PCDHGB2: variants seen among roughly 807,000 people sequenced by gnomAD.
PCDHGB2 encodes protocadherin gamma-B2.
Under a neutral mutation model 59.3 loss-of-function variants are expected in PCDHGB2, and 55 were observed. That is an observed-to-expected ratio of 0.93 (90% CI 0.75 to 1.16). The LOEUF (loss-of-function observed/expected upper bound fraction) is 1.16. Among genes scored for constraint, PCDHGB2 ranks in the 50% most tolerant of loss-of-function variants. The probability of loss-of-function intolerance (pLI) is 0.00; values close to 1 mark genes in which losing one functional copy is unlikely to be tolerated. For missense variants in PCDHGB2, 1,228 were observed against 1,198.5 expected, an observed-to-expected ratio of 1.02 and a Z score of -0.36; for synonymous variants, 516 against 512.0, an observed-to-expected ratio of 1.01 and a Z score of -0.11.
At chr5:141,410,666 T>C (rs376209053) in intron 1 of PCDHGB2, 1 of 1,566,008 alleles carries the variant, frequency 6.4e-7, no homozygotes, top group Non-Finnish European at 8.6e-7. Flanking sequence ...AGTCTACTAG[T>C]TTCTCATATT....
At position 141,366,541 on chromosome 5, in the gene PCDHGB2, C is replaced by T. The variant is rs558446486; in HGVS notation, c.2421+3985C>T. 62 of 1,614,270 alleles carry T rather than the reference C, an allele frequency of 3.8e-5. No homozygotes were observed. In the South Asian group the frequency reaches 6.5e-4, roughly 17 times the overall value. ...GCAGCAGGTTGGCGGGTGTGCCCGC[C>T]TCGCACTTTGTGGGCGTGGATGGGG... On this transcript the variant is annotated intron_variant, in intron 1 of 3. Transcript: ENST00000522605.
In PCDHGB2 at chr5:141,432,139, T is replaced by A. The variant is rs950514553; in HGVS notation, c.2422-62668T>A. ...TCCCTCAGGCCTCCTATTCCGCTTA[T>A]ATCCCAGAGAACAATCCCAGAGGAG... is the stretch of plus-strand genomic sequence containing the variant. On this transcript the variant is annotated intron_variant, in intron 1 of 3. Transcript: ENST00000522605. The surrounding 1 kb of genome is among the most constrained non-coding windows in gnomAD (Gnocchi z 6.0). The A allele has an allele frequency of 6.8e-6, 11 of 1,613,976 alleles. No individual in the cohort carries two copies. Among genetic ancestry groups the A allele is most frequent in the Non-Finnish European group, 9.3e-6 (11 of 1,180,032 alleles).
chr5:141,489,894 G>A lies in PCDHGB2; in HGVS notation c.2422-4913G>A, dbSNP rs942456058. 33 of 1,614,204 alleles carry A rather than the reference G, an allele frequency of 2.0e-5. No individual in the cohort carries two copies. The highest frequency in any genetic ancestry group is 2.4e-5 in the Non-Finnish European group (28 of 1,180,028). Reference sequence around the variant, plus strand: ...TGGTGCTTACTGCTGTGGATGGGGGGACCCCAGCCCGCTCAGGGACCACCC... The same window carrying A: ...TGGTGCTTACTGCTGTGGATGGGGGAACCCCAGCCCGCTCAGGGACCACCC... On this transcript the variant is annotated intron_variant, in intron 1 of 3. Coordinates refer to ENST00000522605, the MANE Select transcript of PCDHGB2 (RefSeq NM_018923.3). This position sits in a 1 kb window ranked among gnomAD's most constrained non-coding sequence, Gnocchi z 4.5.
chr5:141,421,902 C>A (rs1218675162), intron 1 of PCDHGB2: 1 of 1,613,706 alleles, frequency 6.2e-7, no homozygotes, highest in East Asian at 2.2e-5. Context: ...TCCGAAAGGG[C>A]GCAGTTCCCA....
chr5:141,365,137 A>G (rs896268643), intron 1 of PCDHGB2: 15 of 1,613,972 alleles, frequency 9.3e-6, no homozygotes, highest in Non-Finnish European at 1.3e-5. Flanking sequence ...CCACGGATCC[A>G]GATGAGGGAA....
chr5:141,487,377 C>G lies in PCDHGB2; in HGVS notation c.2422-7430C>G, dbSNP rs758216933. On this transcript the variant is annotated intron_variant, in intron 1 of 3. Coordinates refer to ENST00000522605, the MANE Select transcript of PCDHGB2 (RefSeq NM_018923.3). This position sits in a 1 kb window ranked among gnomAD's most constrained non-coding sequence, Gnocchi z 5.0. ...CCTGCTGGCACCTGTGCCTGTCTCA[C>G]CAGATCTCGAAGGAGGGAGGGGCTT... 6.2e-7 allele frequency: 1 copy of G among 1,614,190 alleles called. No individual in the cohort carries two copies. The highest frequency in any genetic ancestry group is 1.1e-5 in the South Asian group (1 of 91,086).
chr5:141,365,976 G>T, intron 1 of PCDHGB2: 1 of 1,614,232 alleles, frequency 6.2e-7, no homozygotes, highest in Non-Finnish European at 8.5e-7. Context: ...GTGTCGCTGA[G>T]CCTGTTTGTG....
Position 141,398,941 on chromosome 5 carries a change from G to A in PCDHGB2, c.2421+36385G>A. 4.3e-6 allele frequency: 7 copies of A among 1,613,890 alleles called. No homozygotes were observed. The highest frequency in any genetic ancestry group is 5.9e-6 in the Non-Finnish European group (7 of 1,179,892). ...AGTGTCAGCCACTGACCAAGACGAG[G>A]GCATCAACTCAGAAATTACTTATTC... is the stretch of plus-strand genomic sequence containing the variant. On this transcript the variant is annotated intron_variant, in intron 1 of 3. Transcript: ENST00000522605.
chr5:141,399,603 A>G, intron 1 of PCDHGB2: 1 of 1,613,950 alleles, frequency 6.2e-7, no homozygotes, highest in Non-Finnish European at 8.5e-7. Flanking sequence ...CCAGCGACCT[A>G]GAGCCTCTGG....
At position 141,491,872 on chromosome 5, in the gene PCDHGB2, G is replaced by A; in HGVS notation, c.2422-2935G>A. On this transcript the variant is annotated intron_variant, in intron 1 of 3. Transcript: ENST00000522605. The surrounding 1 kb of genome is among the most constrained non-coding windows in gnomAD (Gnocchi z 6.9). ...CCGTTTGCGCGAAACCAGAGTGGCCGATTAAGGGATGGGGCTCCGAGCACC... is the reference window on the plus strand; with the variant it reads ...CCGTTTGCGCGAAACCAGAGTGGCCAATTAAGGGATGGGGCTCCGAGCACC... 6.9e-7 allele frequency: 1 copy of A among 1,452,190 alleles called. No individual in the cohort carries two copies. The highest frequency in any genetic ancestry group is 9.1e-7 in the Non-Finnish European group (1 of 1,098,644). The allele number at this position is 1,452,190 out of a possible 1,614,324, so 90.0% of individuals were successfully genotyped here.
intron 1 of PCDHGB2, chr5:141,392,967 C>A (rs1442170331): frequency 1.2e-6 from 2 of 1,613,766 alleles, no homozygotes; most frequent in African/African-American, 2.7e-5. Context: ...CTCCAAGGAC[C>A]TGGGGCTGGA....
intron 1 of PCDHGB2, among the ~76,000 whole-genome samples, chr5:141,445,597 G>T (rs2098471988): frequency 6.6e-6 from 1 of 152,200 alleles, no homozygotes; most frequent in African/African-American, 2.4e-5. Context: ...TAATCTGAAG[G>T]TCAAGGAAGG....
chr5:141,448,329 A>T (rs1166759766), intron 1 of PCDHGB2, among the ~76,000 whole-genome samples: 1 of 152,146 alleles, frequency 6.6e-6, no homozygotes, highest in Non-Finnish European at 1.5e-5. Context: ...TTGAATCTTT[A>T]TAGCCATGTA....
At chr5:141,375,208 C>G in intron 1 of PCDHGB2, 2 of 1,613,958 alleles carry the variant, frequency 1.2e-6, no homozygotes, top group Non-Finnish European at 8.5e-7. Flanking sequence ...TCGATCGAGA[C>G]TCTGGCCTGA....
chr5:141,376,374 G>T lies in PCDHGB2; in HGVS notation c.2421+13818G>T, dbSNP rs561821467. Reference sequence around the variant, plus strand: ...GAGGTCTCACTCACTGCAGACTCGCGTAAGAGTCATCTGATTTTCCCCCAG... The same window carrying T: ...GAGGTCTCACTCACTGCAGACTCGCTTAAGAGTCATCTGATTTTCCCCCAG... On this transcript the variant is annotated intron_variant, in intron 1 of 3. Transcript: ENST00000522605. The T allele has an allele frequency of 2.0e-5, 32 of 1,614,190 alleles. No homozygotes were observed. In the African/African-American group the frequency reaches 3.2e-4, roughly 16 times the overall value.
intron 1 of PCDHGB2, chr5:141,370,409 CG>C (rs775733785): frequency 6.4e-7 from 1 of 1,561,734 alleles, no homozygotes; most frequent in Non-Finnish European, 8.6e-7. Context: ...GAAATAGCTC[CG>C]GATGGAGGGG....
chr5:141,374,226 T>C (rs1770289818), intron 1 of PCDHGB2: 1 of 1,613,964 alleles, frequency 6.2e-7, no homozygotes, highest in Non-Finnish European at 8.5e-7. Context: ...GTAGGCAACA[T>C]CGTCAAGGAT....
rs141605264 is a variant in PCDHGB2, at chr5:141,479,755, A to C, written c.2422-15052A>C. The C allele has an allele frequency of 2.6e-3, 390 of 152,364 alleles. 2 individuals are homozygous for C. The highest frequency in any genetic ancestry group is 9.1e-3 in the African/African-American group (378 of 41,580). 9.4% of individuals were successfully genotyped at this position (152,364 alleles called of 1,614,324 possible). On this transcript the variant is annotated intron_variant, in intron 1 of 3. Coordinates refer to ENST00000522605, the MANE Select transcript of PCDHGB2 (RefSeq NM_018923.3). ...AGTATATGCACAATGTGAAAGGTAG[A>C]TAAATTCATATCCTTAGACAGGTAA...
At chr5:141,394,364 G>A (rs1293513120) in intron 1 of PCDHGB2, 1 of 1,614,186 alleles carries the variant, frequency 6.2e-7, no homozygotes. Flanking sequence ...TGTATGCGCT[G>A]CAATCTTTCG....
Sources: allele counts gnomAD v4.1 joint callset (sites outside exome capture counted in the v4.1 genomes callset), GRCh38; gene constraint gnomAD v4.1.1; non-coding constraint Gnocchi (gnomAD v3.1); transcripts MANE v1.5; gene names NCBI Gene and HGNC (gene_info 2026-07-23, HGNC 2026-07-21).